FAM168A: variants seen among roughly 807,000 people sequenced by gnomAD.
FAM168A encodes family with sequence similarity 168 member A.
Under a neutral mutation model 28.5 loss-of-function variants are expected in FAM168A, and 3 were observed. The ratio of observed to expected loss-of-function variants is 0.11; its 90% confidence interval spans 0.05 to 0.27. The LOEUF (loss-of-function observed/expected upper bound fraction) is 0.27. FAM168A is among the 10% of genes least tolerant of loss of function. The pLI is 1.00. For synonymous variants in FAM168A, 122 were observed against 124.2 expected (o/e 0.98, Z 0.12); for missense variants, 222 against 311.5 (o/e 0.71, Z 2.16).
At chr11:73,589,911 G>C (rs2134746335) in intron 1 of FAM168A, among the ~76,000 whole-genome samples, 1 of 152,230 alleles carries the variant, frequency 6.6e-6, no homozygotes, top group Non-Finnish European at 1.5e-5. Context: ...TGGGCGACAA[G>C]AGTGAAACTC....
intron 1 of FAM168A, among the ~76,000 whole-genome samples, chr11:73,482,181 C>CTTTTT (rs55882143): frequency 3.9e-5 from 3 of 77,556 alleles, no homozygotes; most frequent in Non-Finnish European, 4.7e-5. Flanking sequence ...ATCCAACAGC[C>CTTTTT]TTTTTTTTTT....
rs562164239 is a variant in FAM168A, at chr11:73,444,976, T to C, written c.71-14206A>G. On this transcript the variant is annotated intron_variant, in intron 2 of 7. Transcript: ENST00000356467. Reference sequence around the variant, plus strand: ...CAAGAGAAGCCATAAAATGATTATATTGGCTGGCCGCGGTGGCTCACACCT... The same window carrying C: ...CAAGAGAAGCCATAAAATGATTATACTGGCTGGCCGCGGTGGCTCACACCT... 3.7e-4 allele frequency among the ~76,000 whole-genome samples: 56 copies of C among 152,272 alleles called. 1 individual carries two copies. Among genetic ancestry groups the C allele is most frequent in the African/African-American group, 7.0e-4 (29 of 41,544 alleles).
At chr11:73,571,789 AG>A (rs1412751561) in intron 1 of FAM168A, among the ~76,000 whole-genome samples, 2 of 149,230 alleles carry the variant, frequency 1.3e-5, no homozygotes, top group African/African-American at 5.0e-5. Flanking sequence ...CCATCCACCT[AG>A]GAAGTGAGGA....
intron 2 of FAM168A, among the ~76,000 whole-genome samples, chr11:73,451,710 C>T (rs1443202803): frequency 6.6e-6 from 1 of 152,216 alleles, no homozygotes; most frequent in Non-Finnish European, 1.5e-5. Flanking sequence ...GTAGCCTAGG[C>T]TATACCACAT....
rs190126886 is a variant in FAM168A at position 73,475,929 on chromosome 11, G to A, written c.-18-7437C>T. On this transcript the variant is annotated intron_variant, in intron 1 of 7. Transcript: ENST00000356467. ...TGGGGAACAACAGCAAATAATCCAG[G>A]AAGGCCACTAATGCAGCTACTCTGA... 9.9e-5 allele frequency among the ~76,000 whole-genome samples: 15 copies of A among 152,276 alleles called. No homozygotes were observed. In the East Asian group the frequency reaches 2.5e-3, roughly 25 times the overall value.
chr11:73,409,394 G>T, intron 6 of FAM168A, 93 bp downstream of exon 6: 1 of 1,510,848 alleles, frequency 6.6e-7, no homozygotes. Context: ...GATCTCTTGT[G>T]CTGTGCTGCA....
chr11:73,443,038 G>C (rs1386343545), intron 2 of FAM168A, among the ~76,000 whole-genome samples: 1 of 131,406 alleles, frequency 7.6e-6, no homozygotes, highest in Non-Finnish European at 1.6e-5. Flanking sequence ...AGGAAATTAG[G>C]AGCACATAAC....
chr11:73,411,017 C>T (rs1188282315), intron 5 of FAM168A, among the ~76,000 whole-genome samples: 1 of 152,216 alleles, frequency 6.6e-6, no homozygotes, highest in Non-Finnish European at 1.5e-5. Context: ...GGAGAAAAGA[C>T]TAAGACGTTG....
intron 1 of FAM168A, among the ~76,000 whole-genome samples, chr11:73,474,131 T>C (rs1867854751): frequency 6.6e-6 from 1 of 152,024 alleles, no homozygotes; most frequent in Non-Finnish European, 1.5e-5. Context: ...TTGATATCTA[T>C]TTTAGTCTGT....
intron 2 of FAM168A, among the ~76,000 whole-genome samples, chr11:73,466,232 C>T (rs1483708963): frequency 1.3e-5 from 2 of 152,152 alleles, no homozygotes; most frequent in Non-Finnish European, 2.9e-5. Flanking sequence ...ATTCTAGCTC[C>T]TCAAAGGGAA....
intron 2 of FAM168A, among the ~76,000 whole-genome samples, chr11:73,451,651 T>A (rs945173691): frequency 2.0e-5 from 3 of 152,276 alleles, no homozygotes; most frequent in Non-Finnish European, 2.9e-5. Context: ...ACAACCATTG[T>A]GTTACAATTG....
intron 1 of FAM168A, among the ~76,000 whole-genome samples, chr11:73,509,437 T>C (rs1405948069): frequency 2.0e-5 from 3 of 152,206 alleles, no homozygotes; most frequent in Non-Finnish European, 4.4e-5. Flanking sequence ...CCTTGTTGAA[T>C]GTTTTTCAAA....
intron 1 of FAM168A, among the ~76,000 whole-genome samples, chr11:73,556,690 T>C (rs745727943): frequency 6.6e-6 from 1 of 151,928 alleles, no homozygotes; most frequent in Middle Eastern, 3.2e-3. Context: ...AAAATTGAGA[T>C]GATAAATTTT....
intron 4 of FAM168A, chr11:73,412,144 C>A (rs1866622702): frequency 6.5e-6 from 1 of 154,746 alleles, no homozygotes; most frequent in African/African-American, 2.4e-5. Context: ...GCTGACCATA[C>A]AAAACACCAT....
chr11:73,477,192 C>A (rs1867899729), intron 1 of FAM168A, among the ~76,000 whole-genome samples: 1 of 151,794 alleles, frequency 6.6e-6, no homozygotes, highest in African/African-American at 2.4e-5. Context: ...ATGATGAGAA[C>A]AATAGACACT....
At chr11:73,494,045 T>C (rs1376253557) in intron 1 of FAM168A, among the ~76,000 whole-genome samples, 3 of 152,160 alleles carry the variant, frequency 2.0e-5, no homozygotes, top group Non-Finnish European at 4.4e-5. Flanking sequence ...TTTATTAACC[T>C]ATGGAGTGCC....
In FAM168A at chr11:73,512,219, C is replaced by T. The variant is rs779440229; in HGVS notation, c.-18-43727G>A. On this transcript the variant is annotated intron_variant, in intron 1 of 7. Transcript: ENST00000356467. ...CATATAATTTACTTTGTGCTAGGCA[C>T]TAAGCCCTTTAACTCTTTCCGTGCT... Among the ~76,000 whole-genome samples the T allele has an allele frequency of 7.9e-5, 12 of 152,314 alleles. No homozygotes were observed. In the East Asian group the frequency reaches 2.3e-3, roughly 29 times the overall value.
rs60619530 is a variant in FAM168A, at chr11:73,528,966, T to A, written c.-18-60474A>T. On this transcript the variant is annotated intron_variant, in intron 1 of 7. Transcript: ENST00000356467. ...GACGCTTAATATTGCAGGGAATACA[T>A]CTGCATTCTTTTGTGAGCTGCTAGT... is the stretch of plus-strand genomic sequence containing the variant. Among the ~76,000 whole-genome samples the A allele has an allele frequency of 3.2e-3, 482 of 152,240 alleles. 5 individuals carry two copies. Among genetic ancestry groups the A allele is most frequent in the African/African-American group, 0.011 (465 of 41,528 alleles).
At chr11:73,537,716 T>C (rs1222619921) in intron 1 of FAM168A, among the ~76,000 whole-genome samples, 1 of 152,240 alleles carries the variant, frequency 6.6e-6, no homozygotes, top group East Asian at 1.9e-4. Context: ...TTTTTCCTCC[T>C]GAGGTCTTCT....
Sources: gnomAD v4.1 joint callset for allele counts (sites outside exome capture counted in the v4.1 genomes callset) on GRCh38, gnomAD v4.1.1 for gene constraint, MANE v1.5 for transcripts, NCBI Gene and HGNC (gene_info 2026-07-23, HGNC 2026-07-21) for gene names.